The following IQCK variants were observed in gnomAD, a reference collection of about 807,000 sequenced individuals.
IQCK encodes IQ domain-containing protein K.
IQCK carries 29 observed loss-of-function variants against 28.1 expected under a neutral mutation model. The ratio of observed to expected loss-of-function variants is 1.03; its 90% CI spans 0.77 to 1.41. The LOEUF is 1.41. Among genes scored for constraint, IQCK ranks in the 40% most tolerant of loss-of-function variants. The probability of loss-of-function intolerance (pLI) is 0.00; values close to 1 mark genes in which losing one functional copy is unlikely to be tolerated. For synonymous variants in IQCK, 113 were observed against 115.1 expected, an observed-to-expected ratio of 0.98 and a Z score of 0.12; for missense variants, 359 against 314.7, an observed-to-expected ratio of 1.14 and a Z score of -1.07.
chr16:19,727,175 T>G (rs1158095279), intron 1 of IQCK, among the ~76,000 whole-genome samples: 7 of 151,608 alleles, frequency 4.6e-5, no homozygotes, highest in African/African-American at 1.5e-4. Context: ...AGTCACTAAT[T>G]TTTATAAATT....
chr16:19,831,444 C>T (rs1200370868), downstream of IQCK, among the ~76,000 whole-genome samples: 1 of 152,158 alleles, frequency 6.6e-6, no homozygotes, highest in Non-Finnish European at 1.5e-5. Context: ...TAAGCTCATG[C>T]GCTAGAGTTA....
At chr16:19,761,499 G>T (rs898646000) in intron 4 of IQCK, 10 of 443,056 alleles carry the variant, frequency 2.3e-5, no homozygotes, top group African/African-American at 2.0e-4. Flanking sequence ...TTTCTTCTTG[G>T]GAAGGATCTC....
chr16:19,763,963 A>C, intron 5 of IQCK, 63 bp downstream of exon 5: 2 of 1,593,476 alleles, frequency 1.3e-6, no homozygotes, highest in Non-Finnish European at 1.7e-6. Context: ...ATTTGCAAGC[A>C]GAATAGCAAC....
At chr16:19,817,355 G>A (rs982393107) in intron 7 of IQCK, among the ~76,000 whole-genome samples, 1 of 152,074 alleles carries the variant, frequency 6.6e-6, no homozygotes, top group Non-Finnish European at 1.5e-5. Flanking sequence ...ATAATGACTG[G>A]GATTAGCCCA....
At chr16:19,721,596 T>C (rs954823587) in intron 1 of IQCK, among the ~76,000 whole-genome samples, 4 of 151,924 alleles carry the variant, frequency 2.6e-5, no homozygotes, top group Non-Finnish European at 4.4e-5. Context: ...CCTTTTTTTT[T>C]TTTTTTTGAG....
intron 4 of IQCK, among the ~76,000 whole-genome samples, chr16:19,737,062 T>G (rs1780362972): frequency 6.6e-6 from 1 of 151,378 alleles, no homozygotes; most frequent in South Asian, 2.1e-4. Context: ...CTCATGGGGC[T>G]GAGATGGGAG....
rs147161472 is a variant in IQCK, at chr16:19,738,806, A to G, written c.474+3356A>G. Among the ~76,000 whole-genome samples, 555 of 152,298 alleles carry G rather than the reference A, an allele frequency of 3.6e-3. 4 individuals carry two copies. Among genetic ancestry groups the G allele is most frequent in the African/African-American group, 0.013 (525 of 41,564 alleles). On this transcript the variant is annotated intron_variant, in intron 4 of 7. Coordinates refer to ENST00000564186, the Ensembl canonical transcript of IQCK. ...GTGGTGTCACTCTTGTTCCTTCGCC[A>G]TCTAGAGTCCTTATTCAGGACTTGG...
chr16:19,842,297 A>G (rs751782369), intron 9 of IQCK, among the ~76,000 whole-genome samples: 6 of 152,164 alleles, frequency 3.9e-5, no homozygotes, highest in Non-Finnish European at 8.8e-5. Flanking sequence ...TACTTTTTGG[A>G]GAAATATTTG....
At chr16:19,730,446 G>A (rs764242074) in exon 2 of IQCK, 31 of 1,609,070 alleles carry the variant, frequency 1.9e-5, no homozygotes, top group Non-Finnish European at 2.4e-5. Context: ...AAGCTGAGCA[G>A]CCTCCCTTTC....
At chr16:19,811,678 C>G (rs2055907017) in intron 7 of IQCK, among the ~76,000 whole-genome samples, 4 of 152,170 alleles carry the variant, frequency 2.6e-5, no homozygotes, top group Non-Finnish European at 5.9e-5. Context: ...CTTTTTGACT[C>G]AGATTTTGTG....
At chr16:19,763,767 T>C (rs2055186135) in intron 4 of IQCK, 81 bp from the exon 5 acceptor site, 1 of 1,088,562 alleles carries the variant, frequency 9.2e-7, no homozygotes, top group Non-Finnish European at 1.4e-6. Context: ...TTGAAAAAAG[T>C]CATGTATAAG....
intron 6 of IQCK, among the ~76,000 whole-genome samples, chr16:19,771,832 C>G (rs1310597104): frequency 6.6e-6 from 1 of 152,090 alleles, no homozygotes; most frequent in Non-Finnish European, 1.5e-5. Context: ...CGTTCACATT[C>G]ATGTAGGTGT....
At chr16:19,840,350 C>T (rs1031794000) in intron 9 of IQCK, among the ~76,000 whole-genome samples, 3 of 151,916 alleles carry the variant, frequency 2.0e-5, no homozygotes, top group African/African-American at 4.8e-5. Flanking sequence ...AGCGAGACTC[C>T]GTTTCAAAAA....
intron 7 of IQCK, among the ~76,000 whole-genome samples, chr16:19,806,698 C>T (rs978826315): frequency 8.1e-6 from 1 of 123,066 alleles, no homozygotes; most frequent in Non-Finnish European, 1.7e-5. Context: ...CAAACCACTC[C>T]CCACCCCCCC....
chr16:19,776,557 A>C (rs2055398051), intron 6 of IQCK, among the ~76,000 whole-genome samples: 1 of 152,180 alleles, frequency 6.6e-6, no homozygotes, highest in Non-Finnish European at 1.5e-5. Context: ...ATACAAAAAA[A>C]TTACCCAGGC....
chr16:19,783,002 T>C (rs972440572), intron 6 of IQCK, among the ~76,000 whole-genome samples: 2 of 150,506 alleles, frequency 1.3e-5, no homozygotes, highest in Middle Eastern at 3.2e-3. Context: ...TTTTTTTGTG[T>C]GTGTGTGTGT....
At chr16:19,844,889 A>G (rs1432703057) in intron 9 of IQCK, among the ~76,000 whole-genome samples, 1 of 152,042 alleles carries the variant, frequency 6.6e-6, no homozygotes, top group Non-Finnish European at 1.5e-5. Context: ...GCTCACTGCA[A>G]CCGCTGCCTG....
At chr16:19,793,604 C>A (rs4328427) in intron 7 of IQCK, among the ~76,000 whole-genome samples, 1 of 90,602 alleles carries the variant, frequency 1.1e-5, no homozygotes, top group Non-Finnish European at 1.9e-5. Flanking sequence ...CCACATTGAT[C>A]TACAGATTCA....
intron 7 of IQCK, among the ~76,000 whole-genome samples, chr16:19,823,549 C>A (rs970526661): frequency 6.6e-6 from 1 of 152,086 alleles, no homozygotes; most frequent in East Asian, 1.9e-4. Context: ...AAGCACTGAC[C>A]GGGGCATGTG....
Sources: gnomAD v4.1 joint callset for allele counts (sites outside exome capture counted in the v4.1 genomes callset) on GRCh38, gnomAD v4.1.1 for gene constraint, MANE v1.5 for transcripts, NCBI Gene and HGNC (gene_info 2026-07-23, HGNC 2026-07-21) for gene names.